CNTNAP2: variants seen among roughly 807,000 people sequenced by gnomAD.
CNTNAP2 encodes contactin associated protein 2, also known as contactin-associated protein-like 2.
Under a neutral mutation model 155.2 loss-of-function variants are expected in CNTNAP2, and 98 were observed. The observed-to-expected ratio is 0.63, with a 90% CI of 0.54 to 0.75. CNTNAP2 has a LOEUF of 0.75. CNTNAP2 is among the 30% of genes least tolerant of loss of function. The pLI is 0.00. For missense variants in CNTNAP2, 1,727 were observed against 1,688.1 expected (o/e 1.02, Z -0.40); for synonymous variants, 651 against 631.2 (o/e 1.03, Z -0.47).
At chr7:148,178,078 A>G (rs1427050104) in intron 18 of CNTNAP2, among the ~76,000 whole-genome samples, 1 of 152,180 alleles carries the variant, frequency 6.6e-6, no homozygotes, top group Admixed American at 6.5e-5. Flanking sequence ...TCTAGAATAT[A>G]TGATAGGAAT....
chr7:148,401,981 GA>G (rs1286232600), intron 22 of CNTNAP2, among the ~76,000 whole-genome samples: 6 of 152,176 alleles, frequency 3.9e-5, no homozygotes, highest in Non-Finnish European at 7.3e-5. Flanking sequence ...AGAGCATTAA[GA>G]AATCTTTTTC....
chr7:146,887,541 G>C (rs1178284484), intron 3 of CNTNAP2, among the ~76,000 whole-genome samples: 2 of 151,994 alleles, frequency 1.3e-5, no homozygotes, highest in Non-Finnish European at 2.9e-5. Context: ...ATAAGTATGA[G>C]TAAAGCCATT....
intron 1 of CNTNAP2, among the ~76,000 whole-genome samples, chr7:146,641,440 A>G (rs1166029662): frequency 6.6e-6 from 1 of 152,264 alleles, no homozygotes; most frequent in Non-Finnish European, 1.5e-5. Flanking sequence ...AACATATTTT[A>G]TGTTAATTAT....
At chr7:147,878,473 G>C (rs1001050011) in intron 13 of CNTNAP2, among the ~76,000 whole-genome samples, 1 of 151,372 alleles carries the variant, frequency 6.6e-6, no homozygotes, top group Non-Finnish European at 1.5e-5. Flanking sequence ...TGTATTCCTT[G>C]AAAGAAAGTT....
At chr7:147,413,990 G>A (rs918645125) in intron 10 of CNTNAP2, among the ~76,000 whole-genome samples, 3 of 152,202 alleles carry the variant, frequency 2.0e-5, no homozygotes, top group African/African-American at 7.2e-5. Context: ...TTGCAAGGCT[G>A]TAGGAACCAA....
At chr7:147,489,003 A>T (rs1798559301) in intron 11 of CNTNAP2, among the ~76,000 whole-genome samples, 1 of 152,202 alleles carries the variant, frequency 6.6e-6, no homozygotes, top group Admixed American at 6.5e-5. Context: ...TTTCCTTTGA[A>T]CTTCTATACC....
At chr7:148,356,662 T>G (rs543119044) in intron 21 of CNTNAP2, among the ~76,000 whole-genome samples, 1 of 152,274 alleles carries the variant, frequency 6.6e-6, no homozygotes, top group East Asian at 1.9e-4. Flanking sequence ...CATTTCCTTC[T>G]ATTTGCCAAA....
intron 13 of CNTNAP2, among the ~76,000 whole-genome samples, chr7:147,715,592 C>A (rs1054067382): frequency 6.6e-6 from 1 of 151,978 alleles, no homozygotes; most frequent in African/African-American, 2.4e-5. Flanking sequence ...GTTCTAGATA[C>A]TAGTACTGTG....
intron 1 of CNTNAP2, among the ~76,000 whole-genome samples, chr7:146,428,614 AT>A (rs1032252431): frequency 4.8e-4 from 72 of 150,314 alleles, no homozygotes; most frequent in African/African-American, 1.6e-3. Context: ...TTTTCTTTTA[AT>A]TTTTTTTAAG....
At position 148,389,275 on chromosome 7, in the gene CNTNAP2, T is replaced by C. The variant is rs377047949; in HGVS notation, c.3715+5387T>C. Reference sequence around the variant, plus strand: ...GACCTGGTGGGAGGTAATTGAATCATGGGGGCAGGTCTTTCCATGCTGTTG... The same window carrying C: ...GACCTGGTGGGAGGTAATTGAATCACGGGGGCAGGTCTTTCCATGCTGTTG... On this transcript the variant is annotated intron_variant, in intron 22 of 23. Transcript: ENST00000361727. 2.6e-5 allele frequency among the ~76,000 whole-genome samples: 4 copies of C among 152,312 alleles called. No individual in the cohort carries two copies. In the East Asian group the frequency reaches 5.8e-4, roughly 22 times the overall value.
At chr7:146,119,760 A>T (rs1209638476) in intron 1 of CNTNAP2, among the ~76,000 whole-genome samples, 1 of 152,116 alleles carries the variant, frequency 6.6e-6, no homozygotes, top group Non-Finnish European at 1.5e-5. Flanking sequence ...CATTTAGTAG[A>T]ACTATTAACC....
intron 5 of CNTNAP2, among the ~76,000 whole-genome samples, chr7:147,115,153 C>A (rs1800960725): frequency 6.6e-6 from 1 of 152,222 alleles, no homozygotes; most frequent in South Asian, 2.1e-4. Flanking sequence ...TCTCTTCTAG[C>A]TTGTAGAGTT....
At chr7:146,421,580 A>G (rs1401384941) in intron 1 of CNTNAP2, among the ~76,000 whole-genome samples, 3 of 152,004 alleles carry the variant, frequency 2.0e-5, no homozygotes, top group African/African-American at 7.2e-5. Flanking sequence ...AGACATCTAC[A>G]TATTTTTTCA....
intron 1 of CNTNAP2, among the ~76,000 whole-genome samples, chr7:146,555,832 A>G (rs779802165): frequency 1.3e-5 from 2 of 152,194 alleles, no homozygotes; most frequent in Admixed American, 1.3e-4. Flanking sequence ...CTGGAAGAAC[A>G]TGTCTAACTT....
chr7:146,610,810 T>C (rs925025328), intron 1 of CNTNAP2, among the ~76,000 whole-genome samples: 5 of 152,168 alleles, frequency 3.3e-5, no homozygotes, highest in Non-Finnish European at 7.4e-5. Flanking sequence ...CTATCCTGAA[T>C]TGGAATATGT....
chr7:148,148,576 T>G (rs2116654200), intron 17 of CNTNAP2, among the ~76,000 whole-genome samples: 1 of 152,354 alleles, frequency 6.6e-6, no homozygotes, highest in African/African-American at 2.4e-5. Flanking sequence ...AAGATAAGAA[T>G]GTGACTTGGT....
intron 1 of CNTNAP2, among the ~76,000 whole-genome samples, chr7:146,186,705 T>A (rs758955361): frequency 2.0e-5 from 3 of 152,186 alleles, no homozygotes; most frequent in Non-Finnish European, 4.4e-5. Flanking sequence ...TCTTCTGGTA[T>A]CTAATATTAT....
At chr7:146,218,986 A>C (rs1799161892) in intron 1 of CNTNAP2, among the ~76,000 whole-genome samples, 1 of 152,190 alleles carries the variant, frequency 6.6e-6, no homozygotes, top group Non-Finnish European at 1.5e-5. Flanking sequence ...TTTATAGAGG[A>C]AAGAGATTTA....
At chr7:147,289,736 G>A (rs1805259980) in intron 8 of CNTNAP2, among the ~76,000 whole-genome samples, 1 of 152,134 alleles carries the variant, frequency 6.6e-6, no homozygotes, top group Non-Finnish European at 1.5e-5. Context: ...TGAACATTTA[G>A]TCTTGGGGTA....
Sources: allele counts gnomAD v4.1 joint callset (sites outside exome capture counted in the v4.1 genomes callset), GRCh38; gene constraint gnomAD v4.1.1; transcripts MANE v1.5; gene names NCBI Gene and HGNC (gene_info 2026-07-23, HGNC 2026-07-21).